Variants in DRC8 observed in about 807,000 individuals in gnomAD.
DRC8 encodes dynein regulatory complex subunit 8.
At chr1:244,969,929 A>G in the DRC8 span, 1 of 453,064 alleles carries the variant, frequency 2.2e-6, no homozygotes, top group African/African-American at 2.1e-5. Context: ...TGGTTCTATC[A>G]CCCCCTTGGG....
chr1:245,112,597 G>A, the DRC8 span, among the ~76,000 whole-genome samples: 2 of 152,132 alleles, frequency 1.3e-5, no homozygotes, highest in African/African-American at 4.8e-5. Flanking sequence ...ATAACATCAA[G>A]TTTACCATTT....
the DRC8 span, among the ~76,000 whole-genome samples, chr1:245,114,352 C>A: frequency 6.6e-6 from 1 of 151,952 alleles, no homozygotes; most frequent in East Asian, 1.9e-4. Context: ...GTAATCCCAG[C>A]TGCTTGGGAG....
chr1:244,973,939 A>AT, the DRC8 span, among the ~76,000 whole-genome samples: 1 of 152,148 alleles, frequency 6.6e-6, no homozygotes, highest in Non-Finnish European at 1.5e-5. Context: ...TATTTGTAGC[A>AT]TTTTTTGCTT....
the DRC8 span, among the ~76,000 whole-genome samples, chr1:245,058,090 G>A: frequency 1.2e-4 from 18 of 151,968 alleles, no homozygotes; most frequent in African/African-American, 4.1e-4. Context: ...GAGAATGTGC[G>A]ATTAGCCGTG....
chr1:245,103,168 C>G, the DRC8 span, among the ~76,000 whole-genome samples: 78 of 128,536 alleles, frequency 6.1e-4, no homozygotes, highest in African/African-American at 2.1e-3. Flanking sequence ...TGACGAGGAT[C>G]AGAGGTGGTC....
chr1:245,016,046 A>G, the DRC8 span, among the ~76,000 whole-genome samples: 1 of 143,776 alleles, frequency 7.0e-6, no homozygotes, highest in African/African-American at 2.6e-5. Flanking sequence ...CAATGGCGCA[A>G]TCTCGGCTCA....
the DRC8 span, among the ~76,000 whole-genome samples, chr1:245,078,287 A>G: frequency 6.6e-5 from 10 of 152,366 alleles, no homozygotes; most frequent in African/African-American, 2.4e-4. Context: ...TCAAGAAACT[A>G]AAAATAGAAT....
chr1:245,083,885 G>A, the DRC8 span: 5 of 620,568 alleles, frequency 8.1e-6, no homozygotes, highest in South Asian at 1.3e-4. Flanking sequence ...AAGGGGAGAT[G>A]GGTTGTTGTC....
chr1:245,069,899 G>A, the DRC8 span, among the ~76,000 whole-genome samples: 1 of 152,116 alleles, frequency 6.6e-6, no homozygotes. Context: ...TTAAAAATTA[G>A]CCAGGCTTGG....
the DRC8 span, chr1:245,023,236 C>T: frequency 8.5e-5 from 13 of 152,064 alleles, no homozygotes; most frequent in African/African-American, 2.9e-4. Context: ...AATAATATTC[C>T]ATTGTATTTA....
chr1:245,028,894 T>C, the DRC8 span, among the ~76,000 whole-genome samples: 4 of 152,224 alleles, frequency 2.6e-5, no homozygotes, highest in Non-Finnish European at 5.9e-5. Flanking sequence ...TATTTTCTTA[T>C]ACCCTGTTTT....
the DRC8 span, among the ~76,000 whole-genome samples, chr1:245,014,031 CAAAAAA>C: frequency 1.1e-5 from 1 of 93,150 alleles, no homozygotes; most frequent in Non-Finnish European, 1.9e-5. Flanking sequence ...GACTCCATCT[CAAAAAA>C]AAAAAAAAAA....
At chr1:245,010,036 T>A in the DRC8 span, among the ~76,000 whole-genome samples, 5 of 152,114 alleles carry the variant, frequency 3.3e-5, no homozygotes, top group Non-Finnish European at 7.4e-5. Flanking sequence ...AATTTTGGTA[T>A]TTTTAGTAGA....
the DRC8 span, among the ~76,000 whole-genome samples, chr1:245,088,398 A>G: frequency 1.3e-5 from 2 of 150,520 alleles, no homozygotes; most frequent in African/African-American, 2.5e-5. This position sits in a 1 kb window ranked among gnomAD's most constrained non-coding sequence, Gnocchi z 4.6. Context: ...GTATCTACAT[A>G]GATGTAAACA....
the DRC8 span, among the ~76,000 whole-genome samples, chr1:245,045,324 G>T: frequency 3.3e-5 from 5 of 152,368 alleles, no homozygotes; most frequent in East Asian, 9.6e-4. Context: ...GTCGAGGGTT[G>T]TGACTGCAAG....
chr1:245,039,637 C>G, the DRC8 span, among the ~76,000 whole-genome samples: 1 of 152,146 alleles, frequency 6.6e-6, no homozygotes, highest in South Asian at 2.1e-4. Flanking sequence ...CTCCTCTCTC[C>G]CAGGATCCGT....
At chr1:245,001,390 A>G in the DRC8 span, among the ~76,000 whole-genome samples, 1 of 152,190 alleles carries the variant, frequency 6.6e-6, no homozygotes, top group African/African-American at 2.4e-5. Context: ...TTGGTGGCTC[A>G]TCAGAGTCCC....
the DRC8 span, among the ~76,000 whole-genome samples, chr1:245,117,404 T>G: frequency 2.6e-5 from 4 of 151,950 alleles, no homozygotes; most frequent in African/African-American, 9.7e-5. Context: ...GCACATCCAC[T>G]TATTTTTATT....
chr1:245,104,951 T>G, the DRC8 span, among the ~76,000 whole-genome samples: 1 of 152,236 alleles, frequency 6.6e-6, no homozygotes, highest in Non-Finnish European at 1.5e-5. Flanking sequence ...CCTCCCCTTT[T>G]GTTCTTGTCT....
Sources: gnomAD v4.1 joint callset for allele counts (sites outside exome capture counted in the v4.1 genomes callset) on GRCh38, gnomAD v4.1.1 for gene constraint, Gnocchi (gnomAD v3.1) non-coding constraint, MANE v1.5 for transcripts, NCBI Gene and HGNC (gene_info 2026-07-23, HGNC 2026-07-21) for gene names.